The following CNTNAP2 variants were observed in gnomAD, a reference collection of about 807,000 sequenced individuals.
CNTNAP2 encodes the protein contactin associated protein 2.
CNTNAP2 carries 98 observed loss-of-function variants against 155.2 expected under a neutral mutation model. The observed-to-expected ratio is 0.63, with a 90% CI of 0.54 to 0.75. CNTNAP2 has a LOEUF of 0.75. CNTNAP2 is among the 30% of genes least tolerant of loss of function. The pLI is 0.00. For synonymous variants in CNTNAP2, 651 were observed against 631.2 expected, an observed-to-expected ratio of 1.03 and a Z score of -0.47; for missense variants, 1,727 against 1,688.1, an observed-to-expected ratio of 1.02 and a Z score of -0.40.
intron 9 of CNTNAP2, among the ~76,000 whole-genome samples, chr7:147,370,611 T>A (rs912738503): frequency 6.6e-6 from 1 of 152,162 alleles, no homozygotes; most frequent in Non-Finnish European, 1.5e-5. Context: ...CACCACTGAA[T>A]CTTTCCTTTT....
intron 1 of CNTNAP2, among the ~76,000 whole-genome samples, chr7:146,549,079 G>T: frequency 1.3e-5 from 2 of 149,792 alleles, no homozygotes. Flanking sequence ...TTTGCATGTG[G>T]ATGTTCAGTT....
chr7:147,106,111 C>T (rs545356483), intron 4 of CNTNAP2, among the ~76,000 whole-genome samples: 4 of 151,940 alleles, frequency 2.6e-5, no homozygotes, highest in South Asian at 2.1e-4. Context: ...GCTCAGGGAA[C>T]GTTTACTTCC....
intron 21 of CNTNAP2, among the ~76,000 whole-genome samples, chr7:148,326,584 G>A (rs1014040458): frequency 2.6e-5 from 4 of 152,012 alleles, no homozygotes; most frequent in South Asian, 4.2e-4. Flanking sequence ...TAGAGCAAAT[G>A]GGCCGGGCAT....
intron 1 of CNTNAP2, among the ~76,000 whole-genome samples, chr7:146,718,185 TTGAC>T (rs745567900): frequency 2.6e-5 from 4 of 152,220 alleles, no homozygotes; most frequent in African/African-American, 4.8e-5. Context: ...GCACATGTTG[TTGAC>T]TGACCTAAAT....
rs542337091 is a variant in CNTNAP2, at chr7:146,438,574, T to A, written c.97+321601T>A. ...AGTTTGCATTTTAATTATATCTAAT[T>A]TTTCACATTTTCAGACATGGTAGGT... is the stretch of plus-strand genomic sequence containing the variant. On this transcript the variant is annotated intron_variant, in intron 1 of 23. Coordinates refer to ENST00000361727, the MANE Select transcript of CNTNAP2 (RefSeq NM_014141.6). Among the ~76,000 whole-genome samples, 58 of 151,480 alleles carry A rather than the reference T, an allele frequency of 3.8e-4. 2 individuals are homozygous for A. Among genetic ancestry groups the A allele is most frequent in the African/African-American group, 1.2e-3 (50 of 40,906 alleles).
intron 1 of CNTNAP2, among the ~76,000 whole-genome samples, chr7:146,391,264 CA>C (rs1054780193): frequency 6.6e-6 from 1 of 151,538 alleles, no homozygotes; most frequent in African/African-American, 2.4e-5. Flanking sequence ...GGTGAGTAAC[CA>C]ATAAACAAAG....
chr7:148,204,024 G>A (rs1204137420), intron 18 of CNTNAP2, among the ~76,000 whole-genome samples: 5 of 152,212 alleles, frequency 3.3e-5, no homozygotes, highest in Non-Finnish European at 7.3e-5. Flanking sequence ...GATAACTTTA[G>A]TAGGAAATAA....
At chr7:146,180,457 C>T (rs1486051074) in intron 1 of CNTNAP2, among the ~76,000 whole-genome samples, 1 of 151,702 alleles carries the variant, frequency 6.6e-6, no homozygotes, top group African/African-American at 2.4e-5. Flanking sequence ...CAAAATAGAT[C>T]TGCCTTATAA....
intron 15 of CNTNAP2, among the ~76,000 whole-genome samples, chr7:148,050,762 T>A (rs1354562651): frequency 1.2e-4 from 19 of 152,216 alleles, no homozygotes; most frequent in Non-Finnish European, 1.5e-5. Flanking sequence ...GGTGTGCCAT[T>A]CTTTTTATCT....
chr7:146,152,055 T>G (rs1434176551), intron 1 of CNTNAP2, among the ~76,000 whole-genome samples: 1 of 151,916 alleles, frequency 6.6e-6, no homozygotes, highest in Non-Finnish European at 1.5e-5. Flanking sequence ...TGAAAAGATA[T>G]TTGTACTTTT....
intron 13 of CNTNAP2, among the ~76,000 whole-genome samples, chr7:147,696,159 T>C (rs1286410292): frequency 1.3e-5 from 2 of 152,216 alleles, no homozygotes; most frequent in African/African-American, 2.4e-5. Context: ...TTGGGGAATT[T>C]AGACCATTGA....
chr7:148,178,837 T>C (rs564204692), intron 18 of CNTNAP2, among the ~76,000 whole-genome samples: 1 of 152,220 alleles, frequency 6.6e-6, no homozygotes, highest in Non-Finnish European at 1.5e-5. Context: ...CTTTTTGGTT[T>C]GTGTTTTTGT....
At chr7:146,406,787 T>C (rs527537754) in intron 1 of CNTNAP2, among the ~76,000 whole-genome samples, 2 of 152,288 alleles carry the variant, frequency 1.3e-5, no homozygotes, top group Admixed American at 6.5e-5. Flanking sequence ...GCAGCTGCTC[T>C]AATGGTTCAG....
At chr7:147,240,766 T>A (rs993066506) in intron 8 of CNTNAP2, among the ~76,000 whole-genome samples, 15 of 152,200 alleles carry the variant, frequency 9.9e-5, no homozygotes, top group African/African-American at 3.6e-4. Context: ...CCTCACTTTG[T>A]TTAATTACAT....
chr7:148,000,735 A>G (rs1051276398), intron 15 of CNTNAP2, among the ~76,000 whole-genome samples: 1 of 152,220 alleles, frequency 6.6e-6, no homozygotes, highest in Non-Finnish European at 1.5e-5. Context: ...TTACGGGCTG[A>G]GGACTTACAA....
At chr7:146,899,063 G>A (rs1372935214) in intron 3 of CNTNAP2, among the ~76,000 whole-genome samples, 1 of 152,046 alleles carries the variant, frequency 6.6e-6, no homozygotes, top group African/African-American at 2.4e-5. Flanking sequence ...TCTTAAAATA[G>A]CCTCTTTAGT....
intron 21 of CNTNAP2, among the ~76,000 whole-genome samples, chr7:148,270,602 G>A (rs942425237): frequency 6.6e-6 from 1 of 152,192 alleles, no homozygotes; most frequent in East Asian, 1.9e-4. Flanking sequence ...AAGAGTAAAA[G>A]GGGAAGGAAA....
At chr7:146,754,932 C>T (rs1801969371) in intron 1 of CNTNAP2, among the ~76,000 whole-genome samples, 1 of 151,900 alleles carries the variant, frequency 6.6e-6, no homozygotes, top group Admixed American at 6.6e-5. Flanking sequence ...CGGCTGCTCA[C>T]ATTAAATTTG....
intron 10 of CNTNAP2, among the ~76,000 whole-genome samples, chr7:147,448,573 A>T (rs1012662356): frequency 6.6e-6 from 1 of 151,628 alleles, no homozygotes; most frequent in African/African-American, 2.4e-5. Context: ...CAAGCAATTG[A>T]CAAAAATATT....
Sources: gnomAD v4.1 joint callset for allele counts (sites outside exome capture counted in the v4.1 genomes callset) on GRCh38, gnomAD v4.1.1 for gene constraint, MANE v1.5 for transcripts, NCBI Gene and HGNC (gene_info 2026-07-23, HGNC 2026-07-21) for gene names.